SUCLG2: variants seen among roughly 807,000 people sequenced by gnomAD.
The protein encoded by SUCLG2 is succinate--CoA ligase [GDP-forming] subunit beta, mitochondrial.
SUCLG2 carries 42 observed loss-of-function variants against 47.9 expected under a neutral mutation model. The ratio of observed to expected loss-of-function variants is 0.88; its 90% confidence interval spans 0.69 to 1.14. The LOEUF is 1.14. Ranked by LOEUF, SUCLG2 falls within the 50% of genes most tolerant of loss-of-function variation. The pLI, the probability that SUCLG2 is intolerant of heterozygous loss-of-function variation, is 0.00. For synonymous variants in SUCLG2, 195 were observed against 197.3 expected, an observed-to-expected ratio of 0.99 and a Z score of 0.10; for missense variants, 571 against 525.9, an observed-to-expected ratio of 1.09 and a Z score of -0.84.
At chr3:67,488,538 T>C (rs368853771) in intron 9 of SUCLG2, among the ~76,000 whole-genome samples, 7 of 152,202 alleles carry the variant, frequency 4.6e-5, no homozygotes, top group Non-Finnish European at 7.3e-5. Context: ...CCACATCTAA[T>C]GATGCCTTTA....
In SUCLG2 at chr3:67,638,541, G is replaced by C. The variant is rs9816554; in HGVS notation, c.84+15962C>G. On this transcript the variant is annotated intron_variant, in intron 1 of 10. Coordinates refer to ENST00000307227, the MANE Select transcript of SUCLG2 (RefSeq NM_003848.4). ...GGATCAGGAGATGCCCTACAGCTGA[G>C]AGACAGGCAAGTTTGGTGGATAAAG... Among the ~76,000 whole-genome samples the C allele has an allele frequency of 1.1e-3, 161 of 152,332 alleles. 1 individual carries two copies. The highest frequency in any genetic ancestry group is 3.6e-3 in the African/African-American group (149 of 41,568).
intron 10 of SUCLG2, among the ~76,000 whole-genome samples, chr3:67,387,659 G>A (rs1362978557): frequency 4.6e-5 from 7 of 152,022 alleles, no homozygotes; most frequent in Non-Finnish European, 8.8e-5. Flanking sequence ...TTTATAATAC[G>A]CAGATGATAT....
chr3:67,440,868 C>T (rs1408264541), intron 9 of SUCLG2, among the ~76,000 whole-genome samples: 1 of 152,124 alleles, frequency 6.6e-6, no homozygotes, highest in African/African-American at 2.4e-5. Flanking sequence ...CCAAGCAATC[C>T]CATTACTGGG....
At chr3:67,612,508 T>C (rs544690278) in intron 1 of SUCLG2, among the ~76,000 whole-genome samples, 1 of 152,056 alleles carries the variant, frequency 6.6e-6, no homozygotes, top group South Asian at 2.1e-4. Flanking sequence ...TGCTGAATAA[T>C]AATAACAATA....
rs181428924 is a variant in SUCLG2, at chr3:67,573,851, G to C, written c.226+35604C>G. Among the ~76,000 whole-genome samples, 26 of 151,878 alleles carry C rather than the reference G, an allele frequency of 1.7e-4. No homozygotes were observed. In the East Asian group the frequency reaches 4.8e-3, roughly 28 times the overall value. On this transcript the variant is annotated intron_variant, in intron 2 of 10. Transcript: ENST00000307227. ...AAATTGTCTGCGAGCCTGAATTTTTGTGGCTGTGGGACAAAGAGCCCCATC... is the reference window on the plus strand; with the variant it reads ...AAATTGTCTGCGAGCCTGAATTTTTCTGGCTGTGGGACAAAGAGCCCCATC...
chr3:67,646,039 C>A (rs1701184400), intron 1 of SUCLG2, among the ~76,000 whole-genome samples: 1 of 144,712 alleles, frequency 6.9e-6, no homozygotes, highest in African/African-American at 2.6e-5. Flanking sequence ...ATGCTGTGGG[C>A]AAGCCAATCA....
At chr3:67,419,034 T>A (rs973372728) in intron 9 of SUCLG2, among the ~76,000 whole-genome samples, 3 of 152,054 alleles carry the variant, frequency 2.0e-5, no homozygotes, top group East Asian at 1.9e-4. Flanking sequence ...TACAATGGTA[T>A]GACACTTAAG....
chr3:67,639,789 C>T (rs374808862), intron 1 of SUCLG2, among the ~76,000 whole-genome samples: 11 of 152,152 alleles, frequency 7.2e-5, no homozygotes, highest in East Asian at 3.9e-4. Context: ...AATGCCTCCC[C>T]GAAAAGCCAC....
rs116996258 is a variant in SUCLG2 at position 67,600,496 on chromosome 3, G to A, written c.226+8959C>T. On this transcript the variant is annotated intron_variant, in intron 2 of 10. Coordinates refer to ENST00000307227, the MANE Select transcript of SUCLG2 (RefSeq NM_003848.4). ...TTGTGGTTTAGGGTAATCAGTCAAA[G>A]TAGGGCTGGGATGGGAGCTCTGTTC... Among the ~76,000 whole-genome samples, 301 of 152,330 alleles carry A rather than the reference G, an allele frequency of 2.0e-3. 4 individuals are homozygous for A. The East Asian group carries it at 0.046, about 23-fold the overall frequency.
chr3:67,535,451 T>A (rs1706513437), intron 2 of SUCLG2, among the ~76,000 whole-genome samples: 1 of 152,078 alleles, frequency 6.6e-6, no homozygotes, highest in Non-Finnish European at 1.5e-5. Context: ...TGCTACAGTT[T>A]GGATGCTTGT....
At chr3:67,587,185 C>T (rs544082867) in intron 2 of SUCLG2, among the ~76,000 whole-genome samples, 5 of 152,276 alleles carry the variant, frequency 3.3e-5, no homozygotes, top group South Asian at 2.1e-4. Context: ...TAGCTTCCCT[C>T]GGTGACTGAG....
At chr3:67,532,727 ACT>A (rs1435675561) in intron 2 of SUCLG2, among the ~76,000 whole-genome samples, 1 of 152,148 alleles carries the variant, frequency 6.6e-6, no homozygotes, top group Non-Finnish European at 1.5e-5. Context: ...AATATGTAAG[ACT>A]CTCAAACACA....
At chr3:67,374,266 GGC>G (rs1701992148), downstream of SUCLG2, among the ~76,000 whole-genome samples, 1 of 152,106 alleles carries the variant, frequency 6.6e-6, no homozygotes, top group Non-Finnish European at 1.5e-5. Context: ...TGGCAAACAT[GGC>G]TCTAAACAAT....
At chr3:67,378,324 G>A (rs1460073585) in intron 10 of SUCLG2, among the ~76,000 whole-genome samples, 1 of 152,146 alleles carries the variant, frequency 6.6e-6, no homozygotes, top group Non-Finnish European at 1.5e-5. Flanking sequence ...TCTGAGACTA[G>A]GTTACAAAAG....
intron 2 of SUCLG2, among the ~76,000 whole-genome samples, chr3:67,592,542 A>T (rs1385563512): frequency 1.3e-5 from 2 of 152,128 alleles, no homozygotes; most frequent in African/African-American, 2.4e-5. Context: ...CAAGATTACA[A>T]AAGTATTCAG....
At chr3:67,594,995 C>CA (rs1044611067) in intron 2 of SUCLG2, among the ~76,000 whole-genome samples, 2 of 151,944 alleles carry the variant, frequency 1.3e-5, no homozygotes, top group African/African-American at 4.8e-5. Flanking sequence ...CCCTCCCCAC[C>CA]AAAAAAACTA....
intron 7 of SUCLG2, among the ~76,000 whole-genome samples, chr3:67,507,149 C>T (rs1705659181): frequency 6.6e-6 from 1 of 152,086 alleles, no homozygotes. Flanking sequence ...ACAGCTTCTT[C>T]CCCTTCCTTT....
At chr3:67,425,021 C>T (rs1377067657) in intron 9 of SUCLG2, among the ~76,000 whole-genome samples, 1 of 152,092 alleles carries the variant, frequency 6.6e-6, no homozygotes, top group Non-Finnish European at 1.5e-5. Context: ...CACCCACAAT[C>T]GCCTCCCCTT....
intron 9 of SUCLG2, among the ~76,000 whole-genome samples, chr3:67,437,073 A>G (rs1418635582): frequency 6.6e-6 from 1 of 152,304 alleles, no homozygotes; most frequent in East Asian, 1.9e-4. Context: ...TTAATTTTGT[A>G]TATTTCCTTC....
Sources: gnomAD v4.1 joint callset for allele counts (sites outside exome capture counted in the v4.1 genomes callset) on GRCh38, gnomAD v4.1.1 for gene constraint, MANE v1.5 for transcripts, NCBI Gene and HGNC (gene_info 2026-07-23, HGNC 2026-07-21) for gene names.